Variants in USP34 observed in about 807,000 individuals in gnomAD.
The protein encoded by USP34 is ubiquitin specific peptidase 34, also known as ubiquitin carboxyl-terminal hydrolase 34.
USP34 carries 70 observed loss-of-function variants against 460.3 expected under a neutral mutation model. That is an observed-to-expected ratio of 0.15 (90% CI 0.13 to 0.19). The LOEUF (loss-of-function observed/expected upper bound fraction) is 0.19. Among genes scored for constraint, USP34 ranks in the 10% least tolerant of loss-of-function variants. The pLI is 1.00. For missense variants in USP34, 3,985 were observed against 4,236.2 expected, an observed-to-expected ratio of 0.94 and a Z score of 1.65; for synonymous variants, 1,647 against 1,405.3, an observed-to-expected ratio of 1.17 and a Z score of -3.85.
chr2:61,273,953 C>CA (rs1306944782), intron 41 of USP34, among the ~76,000 whole-genome samples: 1 of 151,444 alleles, frequency 6.6e-6, no homozygotes, highest in African/African-American at 2.4e-5. Context: ...TTCACCTAAA[C>CA]AATTTCCTGA....
intron 3 of USP34, among the ~76,000 whole-genome samples, chr2:61,402,003 G>A (rs2103923659): frequency 6.6e-6 from 1 of 151,920 alleles, no homozygotes. Context: ...TGTAATCCCA[G>A]CACTTTGGAG....
intron 1 of USP34, among the ~76,000 whole-genome samples, chr2:61,467,044 G>A (rs577556487): frequency 5.3e-5 from 8 of 152,022 alleles, no homozygotes; most frequent in Non-Finnish European, 1.0e-4. Context: ...GGTGGCTCAC[G>A]CCTGTAATCC....
At position 61,295,234 on chromosome 2, in the gene USP34, T is replaced by C. The variant is rs747374040; in HGVS notation, c.4311A>G (p.Leu1437=). 1.7e-5 allele frequency: 27 copies of C among 1,611,602 alleles called. No homozygotes were observed. The South Asian group carries it at 2.3e-4, about 14-fold the overall frequency. ...CTTCAATAATTTCCAGAGCATACAATAGCTTGTGGGCGCTCTTAATTTTGA... is the reference window on the plus strand; with the variant it reads ...CTTCAATAATTTCCAGAGCATACAACAGCTTGTGGGCGCTCTTAATTTTGA... The part of the protein sequence containing the change: ...ELLKIKSAHK[L]LYALEIIEAL... The change falls in exon 31 of 80, where the codon CTA becomes CTG. Residue 1437 remains leucine (L), a synonymous_variant. Transcript: ENST00000398571.
At chr2:61,408,917 G>A (rs1168554415) in intron 2 of USP34, among the ~76,000 whole-genome samples, 4 of 151,816 alleles carry the variant, frequency 2.6e-5, no homozygotes, top group African/African-American at 9.7e-5. Context: ...CAAAAACAAA[G>A]TGAGGTCATA....
rs543887150 is a variant in USP34 at position 61,195,619 on chromosome 2, A to C, written c.9509-2639T>G. Among the ~76,000 whole-genome samples the C allele has an allele frequency of 2.6e-5, 4 of 151,652 alleles. No homozygotes were observed. The South Asian group carries it at 8.3e-4, about 32-fold the overall frequency. ...CCCAGGAGGCAGAAGTTGCAATGAG[A>C]CGAGATTGTGCCACTGCACTCCAGC... On this transcript the variant is annotated intron_variant, in intron 75 of 79. Transcript: ENST00000398571.
chr2:61,264,494 C>G (rs962970273), intron 43 of USP34, among the ~76,000 whole-genome samples: 1 of 151,118 alleles, frequency 6.6e-6, no homozygotes, highest in Admixed American at 6.6e-5. Context: ...TAAAAAACTC[C>G]GCCAGGCATG....
At position 61,265,515 on chromosome 2, in the gene USP34, A is replaced by G. The variant is rs1247436259; in HGVS notation, c.5660T>C (p.Val1887Ala). ...GCCAACAAATCTACATTCAGCACGG[A>G]CATCTTCATGAGGCCAGTAATCCCA... ...YKWDYWPHED[V>A]RAECRFVGLT... is the part of the protein sequence containing the mutation. The change falls in exon 43 of 80, where the codon GTC (valine) becomes GCC (alanine). Residue 1887 changes from valine (V) to alanine (A), a missense_variant. Val to Ala is a moderately conservative substitution (Grantham distance 64). This residue lies in a region of USP34 where 145 missense variants were observed against 291.6 expected (regional missense o/e 0.50). Coordinates refer to ENST00000398571, the MANE Select transcript of USP34 (RefSeq NM_014709.4). The G allele has an allele frequency of 6.2e-7, 1 of 1,613,154 alleles. No individual in the cohort carries two copies. Among genetic ancestry groups the G allele is most frequent in the South Asian group, 1.1e-5 (1 of 90,854 alleles).
At chr2:61,406,386 T>C (rs530274464) in intron 2 of USP34, among the ~76,000 whole-genome samples, 1 of 152,242 alleles carries the variant, frequency 6.6e-6, no homozygotes, top group South Asian at 2.1e-4. Flanking sequence ...CTTCTACACA[T>C]GGAACTATTT....
chr2:61,359,122 G>A (rs148820906), intron 10 of USP34, among the ~76,000 whole-genome samples: 28 of 152,140 alleles, frequency 1.8e-4, no homozygotes, highest in African/African-American at 6.7e-4. Flanking sequence ...AATTGCAAGG[G>A]ACTGTAAATA....
At chr2:61,470,028 GCTACACTAAGAAAC>G (rs1394135620) in intron 1 of USP34, among the ~76,000 whole-genome samples, 2 of 152,208 alleles carry the variant, frequency 1.3e-5, no homozygotes, top group African/African-American at 4.8e-5. Context: ...AGCGGTGAAT[GCTACACTAAGAAAC>G]ATCATTAACA....
At position 61,230,273 on chromosome 2, in the gene USP34, T is replaced by C. The variant is rs560873893; in HGVS notation, c.7114-640A>G. Among the ~76,000 whole-genome samples, 19 of 152,188 alleles carry C rather than the reference T, an allele frequency of 1.2e-4. No individual in the cohort carries two copies. The South Asian group carries it at 3.7e-3, about 30-fold the overall frequency. On this transcript the variant is annotated intron_variant, in intron 58 of 79. Transcript: ENST00000398571. The stretch of plus-strand genomic sequence containing the variant: ...AGCTGGGTGCAGTGGCTCAAGCCTA[T>C]AATCCCAGCACTTTGGGAGGCTGTG...
chr2:61,201,600 A>T (rs998097243), intron 75 of USP34, among the ~76,000 whole-genome samples: 1 of 152,170 alleles, frequency 6.6e-6, no homozygotes, highest in Non-Finnish European at 1.5e-5. Context: ...TACAAAAGTG[A>T]TAAGACTGAA....
chr2:61,380,497 A>C (rs1465075008), intron 6 of USP34, 136 bp from the exon 7 acceptor site: 3 of 823,060 alleles, frequency 3.6e-6, no homozygotes, highest in Non-Finnish European at 5.5e-6. Flanking sequence ...TTTTCCTCTC[A>C]GGCCCTGCCT....
At chr2:61,251,584 G>A (rs1022920034) in intron 48 of USP34, among the ~76,000 whole-genome samples, 2 of 152,154 alleles carry the variant, frequency 1.3e-5, no homozygotes, top group African/African-American at 4.8e-5. Flanking sequence ...TAACCACCTT[G>A]GATGATGAGT....
chr2:61,417,369 T>C (rs1015927752), intron 2 of USP34: 5 of 572,240 alleles, frequency 8.7e-6, no homozygotes, highest in East Asian at 3.0e-5. Flanking sequence ...GTCAGCTTAA[T>C]TGGCTGCAGG....
At position 61,448,106 on chromosome 2, in the gene USP34, T is replaced by C. The variant is rs111665277; in HGVS notation, c.43+22544A>G. Among the ~76,000 whole-genome samples, 177 of 152,360 alleles carry C rather than the reference T, an allele frequency of 1.2e-3. 3 individuals are homozygous for C. Among genetic ancestry groups the C allele is most frequent in the Non-Finnish European group, 7.8e-4 (53 of 68,038 alleles). ...ACAACATCTACTTAATGCCACTGTC[T>C]TTCTTCATACAAAGTGGCCAGTAGT... On this transcript the variant is annotated intron_variant, in intron 1 of 79. Coordinates refer to ENST00000398571, the MANE Select transcript of USP34 (RefSeq NM_014709.4).
At chr2:61,374,554 C>T (rs750689344) in intron 8 of USP34, among the ~76,000 whole-genome samples, 1 of 152,106 alleles carries the variant, frequency 6.6e-6, no homozygotes, top group African/African-American at 2.4e-5. Flanking sequence ...TGCTTCAGAG[C>T]TCATACAGAG....
intron 2 of USP34, among the ~76,000 whole-genome samples, chr2:61,410,209 G>C (rs1291556736): frequency 6.6e-6 from 1 of 152,120 alleles, no homozygotes; most frequent in Non-Finnish European, 1.5e-5. Flanking sequence ...AGAATTAGTG[G>C]GAGCCCTGAG....
chr2:61,214,598 G>A lies in USP34; in HGVS notation c.8144C>T (p.Pro2715Leu), dbSNP rs1687350082. 2 of 1,614,046 alleles carry A rather than the reference G, an allele frequency of 1.2e-6. No homozygotes were observed. The highest frequency in any genetic ancestry group is 2.7e-5 in the African/African-American group (2 of 74,942). The change falls in exon 68 of 80, where the codon CCA becomes CTA. Residue 2715 changes from proline to leucine, a missense_variant. This residue lies in a region of USP34 where 604 missense variants were observed against 684.8 expected (regional missense o/e 0.88). Coordinates refer to ENST00000398571, the MANE Select transcript of USP34 (RefSeq NM_014709.4). ...GACTACTGTTGTGTCTGGACTGAGTGGAAGGTCACGGGTTGGGATGTGCAA... is the reference window on the plus strand; with the variant it reads ...GACTACTGTTGTGTCTGGACTGAGTAGAAGGTCACGGGTTGGGATGTGCAA... ...RSLHIPTRDL[P>L]LSPDTTVVLH... is the part of the protein sequence containing the mutation.
Sources: gnomAD v4.1 joint callset for allele counts (sites outside exome capture counted in the v4.1 genomes callset) on GRCh38, gnomAD v4.1.1 for gene constraint, gnomAD v4.1.1 regional missense constraint, MANE v1.5 for transcripts, NCBI Gene and HGNC (gene_info 2026-07-23, HGNC 2026-07-21) for gene names.